INPP4B: variants seen among roughly 807,000 people sequenced by gnomAD.
INPP4B encodes the protein inositol polyphosphate 4-phosphatase type II.
Under a neutral mutation model 122.5 loss-of-function variants are expected in INPP4B, and 55 were observed. The observed-to-expected ratio is 0.45, with a 90% CI of 0.36 to 0.56. The LOEUF is 0.56. Among genes scored for constraint, INPP4B ranks in the 20% least tolerant of loss-of-function variants. INPP4B has a pLI of 0.00. For synonymous variants in INPP4B, 403 were observed against 388.7 expected (o/e 1.04, Z -0.43); for missense variants, 1,000 against 1,097.7 (o/e 0.91, Z 1.26).
intron 17 of INPP4B, among the ~76,000 whole-genome samples, chr4:142,148,547 G>A (rs1190735533): frequency 3.9e-5 from 6 of 151,902 alleles, no homozygotes; most frequent in Non-Finnish European, 5.9e-5. Context: ...ATCAAGTCGC[G>A]TTGCATGTTG....
chr4:142,728,866 T>C (rs1248127144), intron 1 of INPP4B, among the ~76,000 whole-genome samples: 1 of 152,212 alleles, frequency 6.6e-6, no homozygotes, highest in Non-Finnish European at 1.5e-5. Flanking sequence ...TAATGTGTTA[T>C]GGCAGTCAAA....
intron 17 of INPP4B, 93 bp from the exon 18 acceptor site, chr4:142,146,089 G>T: frequency 1.4e-6 from 2 of 1,392,082 alleles, no homozygotes; most frequent in Non-Finnish European, 2.0e-6. Flanking sequence ...CATTTGGAAG[G>T]GTAGTCATTA....
At chr4:142,674,193 C>G (rs1209500717) in intron 2 of INPP4B, among the ~76,000 whole-genome samples, 1 of 152,132 alleles carries the variant, frequency 6.6e-6, no homozygotes, top group Non-Finnish European at 1.5e-5. Context: ...ACTTCTCCCT[C>G]TGCCCACCTG....
intron 25 of INPP4B, among the ~76,000 whole-genome samples, chr4:142,080,787 C>T (rs544648129): frequency 6.3e-4 from 96 of 152,154 alleles, no homozygotes; most frequent in Non-Finnish European, 1.1e-3. Context: ...TAATATCATG[C>T]ATTCCTGCAT....
At position 142,582,498 on chromosome 4, in the gene INPP4B, G is replaced by T. The variant is rs894848139; in HGVS notation, c.-190-119772C>A. Among the ~76,000 whole-genome samples, 2 of 152,106 alleles carry T rather than the reference G, an allele frequency of 1.3e-5. 1 individual carries two copies. Among genetic ancestry groups the T allele is most frequent in the African/African-American group, 4.8e-5 (2 of 41,434 alleles). Reference sequence around the variant, plus strand: ...TGTGTGGGAGAAGTTGGGCAGAAAAGATGCAAATTGAAATTTATGTCACCT... The same window carrying T: ...TGTGTGGGAGAAGTTGGGCAGAAAATATGCAAATTGAAATTTATGTCACCT... On this transcript the variant is annotated intron_variant, in intron 2 of 25. Coordinates refer to ENST00000262992, the MANE Select transcript of INPP4B (RefSeq NM_001101669.3).
At chr4:142,164,779 G>A (rs1232559386) in intron 16 of INPP4B, among the ~76,000 whole-genome samples, 2 of 151,338 alleles carry the variant, frequency 1.3e-5, no homozygotes, top group African/African-American at 2.4e-5. Context: ...TGTAGAAACA[G>A]GGTCTCACTA....
chr4:142,558,055 G>A (rs1213401873), intron 2 of INPP4B, among the ~76,000 whole-genome samples: 1 of 152,144 alleles, frequency 6.6e-6, no homozygotes, highest in Admixed American at 6.5e-5. Flanking sequence ...TGCCAACCAT[G>A]GTAATCCTAT....
intron 16 of INPP4B, among the ~76,000 whole-genome samples, chr4:142,163,323 C>T (rs1175739897): frequency 1.3e-5 from 2 of 151,830 alleles, no homozygotes; most frequent in Non-Finnish European, 2.9e-5. Context: ...GGATATAAAT[C>T]GCCCAGTGTA....
intron 15 of INPP4B, among the ~76,000 whole-genome samples, chr4:142,188,017 C>A (rs1260208211): frequency 6.6e-6 from 1 of 151,776 alleles, no homozygotes; most frequent in African/African-American, 2.4e-5. Flanking sequence ...AAGAGAGCAC[C>A]CAGTATGCTA....
At chr4:142,725,419 A>T (rs1008549487) in intron 2 of INPP4B, among the ~76,000 whole-genome samples, 1 of 152,150 alleles carries the variant, frequency 6.6e-6, no homozygotes, top group Non-Finnish European at 1.5e-5. Context: ...TCAAAAAAAT[A>T]CATAAAGTCA....
chr4:142,581,206 C>T (rs1349976381), intron 2 of INPP4B, among the ~76,000 whole-genome samples: 1 of 151,772 alleles, frequency 6.6e-6, no homozygotes, highest in African/African-American at 2.4e-5. Flanking sequence ...ATATAAGATC[C>T]AGAAGGACAA....
intron 11 of INPP4B, among the ~76,000 whole-genome samples, chr4:142,255,819 C>A (rs1189085995): frequency 6.6e-6 from 1 of 151,490 alleles, no homozygotes; most frequent in East Asian, 1.9e-4. Flanking sequence ...AACAAGGATA[C>A]CCAGGAATTG....
chr4:142,372,872 C>A (rs997558018), intron 7 of INPP4B, among the ~76,000 whole-genome samples: 1 of 151,998 alleles, frequency 6.6e-6, no homozygotes, highest in Non-Finnish European at 1.5e-5. Context: ...TGCTGCCTTC[C>A]TAGTCTCACA....
intron 2 of INPP4B, among the ~76,000 whole-genome samples, chr4:142,663,982 T>C (rs530436395): frequency 1.8e-3 from 269 of 152,272 alleles, no homozygotes; most frequent in African/African-American, 5.9e-3. Context: ...AGAAATGAAA[T>C]GTATCAGAGG....
chr4:142,398,401 A>AAAAAATATAT (rs1800278058), intron 7 of INPP4B, among the ~76,000 whole-genome samples: 1 of 28,498 alleles, frequency 3.5e-5, no homozygotes, highest in African/African-American at 1.2e-4. Context: ...AAAAAAAAAA[A>AAAAAATATAT]ATATATATAT....
intron 7 of INPP4B, among the ~76,000 whole-genome samples, chr4:142,381,449 C>A (rs1266993326): frequency 6.6e-6 from 1 of 152,090 alleles, no homozygotes; most frequent in Non-Finnish European, 1.5e-5. Flanking sequence ...GAAATCCGAA[C>A]TCTCTATATA....
intron 15 of INPP4B, among the ~76,000 whole-genome samples, chr4:142,188,471 A>T (rs1010062323): frequency 1.3e-4 from 17 of 135,284 alleles, no homozygotes; most frequent in African/African-American, 4.8e-4. Context: ...TAGGCGACAG[A>T]GTGAGACTCC....
intron 25 of INPP4B, among the ~76,000 whole-genome samples, chr4:142,078,974 T>C (rs1772336633): frequency 6.6e-6 from 1 of 152,054 alleles, no homozygotes; most frequent in South Asian, 2.1e-4. Flanking sequence ...TCCAGAGTTG[T>C]TCCCCAGAAT....
intron 3 of INPP4B, among the ~76,000 whole-genome samples, chr4:142,436,954 A>G (rs1003441878): frequency 2.0e-5 from 3 of 152,116 alleles, no homozygotes; most frequent in Non-Finnish European, 4.4e-5. Context: ...GGTGGGTAAC[A>G]ACAAATTTTG....
Sources: gnomAD v4.1 joint callset for allele counts (sites outside exome capture counted in the v4.1 genomes callset) on GRCh38, gnomAD v4.1.1 for gene constraint, MANE v1.5 for transcripts, NCBI Gene and HGNC (gene_info 2026-07-23, HGNC 2026-07-21) for gene names.